NDUFA5: variants seen among roughly 807,000 people sequenced by gnomAD.
The protein encoded by NDUFA5 is NADH dehydrogenase [ubiquinone] 1 alpha subcomplex subunit 5.
Under a neutral mutation model 19.8 loss-of-function variants are expected in NDUFA5, and 11 were observed. That is an observed-to-expected ratio of 0.56 (90% confidence interval 0.35 to 0.92). NDUFA5 has a LOEUF of 0.92. Among genes scored for constraint, NDUFA5 ranks in the 40% least tolerant of loss-of-function variants. NDUFA5 has a pLI of 0.01. For missense variants in NDUFA5, 109 were observed against 134.2 expected (o/e 0.81, Z 0.93); for synonymous variants, 47 against 46.8 (o/e 1.00, Z -0.01).
intron 2 of NDUFA5, among the ~76,000 whole-genome samples, chr7:123,551,920 T>A (rs12666974): frequency 0.23 from 35,549 of 152,052 alleles, 4,801 homozygotes; most frequent in East Asian, 0.33. Flanking sequence ...AATGTATCAG[T>A]GTCTAGAGAA....
intron 4 of NDUFA5, 23 bp from the exon 5 acceptor site, chr7:123,542,243 A>T: frequency 6.4e-7 from 1 of 1,564,708 alleles, no homozygotes; most frequent in Non-Finnish European, 8.7e-7. Flanking sequence ...ATTTTTTAAA[A>T]GATCATTGGA....
chr7:123,553,401 C>T (rs1449313027), intron 2 of NDUFA5, among the ~76,000 whole-genome samples: 1 of 152,154 alleles, frequency 6.6e-6, no homozygotes, highest in Non-Finnish European at 1.5e-5. Flanking sequence ...TCTTCACTAT[C>T]ACAAGAACAG....
the NDUFA5 span, among the ~76,000 whole-genome samples, chr7:123,579,955 C>T: frequency 1.3e-5 from 2 of 151,982 alleles, no homozygotes; most frequent in African/African-American, 4.8e-5. Flanking sequence ...TGTTACACCT[C>T]CTGTCCTTAA....
the NDUFA5 span, among the ~76,000 whole-genome samples, chr7:123,575,728 G>A: frequency 1.3e-5 from 2 of 150,750 alleles, no homozygotes; most frequent in Non-Finnish European, 3.0e-5. Context: ...TAATTATCTT[G>A]TAAGTGATGC....
chr7:123,566,712 T>A, the NDUFA5 span, among the ~76,000 whole-genome samples: 12 of 152,218 alleles, frequency 7.9e-5, no homozygotes, highest in African/African-American at 2.9e-4. Flanking sequence ...ATAAAGAAAC[T>A]ATTACATTGG....
chr7:123,564,794 G>A, the NDUFA5 span, among the ~76,000 whole-genome samples: 3 of 151,728 alleles, frequency 2.0e-5, no homozygotes, highest in Non-Finnish European at 4.4e-5. Flanking sequence ...CTTTATGATA[G>A]TTCATTGGAG....
At chr7:123,584,689 CTG>C in the NDUFA5 span, among the ~76,000 whole-genome samples, 1 of 151,898 alleles carries the variant, frequency 6.6e-6, no homozygotes, top group African/African-American at 2.4e-5. Flanking sequence ...TATACAAAGA[CTG>C]TTAGCTTTCA....
At chr7:123,553,397 C>G (rs1423096298) in intron 2 of NDUFA5, among the ~76,000 whole-genome samples, 1 of 152,174 alleles carries the variant, frequency 6.6e-6, no homozygotes, top group Non-Finnish European at 1.5e-5. Context: ...GACTTCTTCA[C>G]TATCACAAGA....
At chr7:123,565,690 G>T in the NDUFA5 span, among the ~76,000 whole-genome samples, 1 of 151,928 alleles carries the variant, frequency 6.6e-6, no homozygotes, top group African/African-American at 2.4e-5. Flanking sequence ...AGACCAGCCC[G>T]GCCAACATGG....
intron 2 of NDUFA5, chr7:123,555,937 T>C (rs1397849972): frequency 2.0e-5 from 3 of 152,070 alleles, no homozygotes; most frequent in East Asian, 3.9e-4. Context: ...AAAGACCAAA[T>C]GGAGGCTGTG....
At position 123,541,692 on chromosome 7, in the gene NDUFA5, G is replaced by T. The variant is rs1163922347; in HGVS notation, c.*427C>A. The T allele has an allele frequency of 6.6e-6, 1 of 152,232 alleles. No homozygotes were observed. The highest frequency in any genetic ancestry group is 2.4e-5 in the African/African-American group (1 of 41,368). 9.4% of individuals were successfully genotyped at this position (152,232 alleles called of 1,614,324 possible). A position where few individuals can be genotyped will look rare whatever the true frequency, so the allele number is the denominator to read the frequency against. ...TTATCACATTTGAAAATATTCACTC[G>T]TATTATTTACTTCAAACAGTAATCT... is the stretch of plus-strand genomic sequence containing the variant. On this transcript the variant is annotated 3_prime_UTR_variant, in exon 5 of 5. Coordinates refer to ENST00000355749, the MANE Select transcript of NDUFA5 (RefSeq NM_005000.5).
At chr7:123,589,831 A>G in the NDUFA5 span, among the ~76,000 whole-genome samples, 2 of 152,200 alleles carry the variant, frequency 1.3e-5, no homozygotes, top group African/African-American at 4.8e-5. Flanking sequence ...TCGGGTATAT[A>G]CCCAGTAATG....
chr7:123,585,217 T>C, the NDUFA5 span, among the ~76,000 whole-genome samples: 1 of 151,722 alleles, frequency 6.6e-6, no homozygotes, highest in Non-Finnish European at 1.5e-5. Context: ...CCAATCCCCC[T>C]CTTAGAAATT....
the NDUFA5 span, among the ~76,000 whole-genome samples, chr7:123,567,818 GA>G: frequency 1.7e-3 from 243 of 144,004 alleles, 1 homozygote; most frequent in African/African-American, 5.4e-3. Context: ...ACCTTGGAAA[GA>G]AAAAAAAAAC....
rs1010383210 is a variant in NDUFA5, at chr7:123,540,660, T to G, written c.*1459A>C. On this transcript the variant is annotated 3_prime_UTR_variant, in exon 5 of 5. Transcript: ENST00000355749. Reference sequence around the variant, plus strand: ...ACAGGCCAAACTTGCCTCAATGTAGTCATTGAGTTAACAACACTAGAACCA... The same window carrying G: ...ACAGGCCAAACTTGCCTCAATGTAGGCATTGAGTTAACAACACTAGAACCA... 4.6e-5 allele frequency: 7 copies of G among 152,038 alleles called. No homozygotes were observed. Among genetic ancestry groups the G allele is most frequent in the African/African-American group, 1.2e-4 (5 of 41,374 alleles). The allele number at this position is 152,038 out of a possible 1,614,324, so 9.4% of individuals were successfully genotyped here.
At chr7:123,567,885 C>T in the NDUFA5 span, among the ~76,000 whole-genome samples, 3 of 152,176 alleles carry the variant, frequency 2.0e-5, no homozygotes, top group Middle Eastern at 3.4e-3. Flanking sequence ...ATTCCAATCA[C>T]TTGGATGTTA....
chr7:123,599,390 T>C, the NDUFA5 span, among the ~76,000 whole-genome samples: 140 of 152,284 alleles, frequency 9.2e-4, no homozygotes, highest in African/African-American at 3.1e-3. Context: ...TCATAAAGAA[T>C]GGGCTGGATC....
the NDUFA5 span, among the ~76,000 whole-genome samples, chr7:123,570,886 C>T: frequency 6.6e-6 from 1 of 152,156 alleles, no homozygotes; most frequent in Non-Finnish European, 1.5e-5. Flanking sequence ...CTGAAAAGAA[C>T]TCTCAGCAGG....
the NDUFA5 span, among the ~76,000 whole-genome samples, chr7:123,585,417 C>T: frequency 1.6e-4 from 24 of 151,888 alleles, no homozygotes; most frequent in Non-Finnish European, 2.2e-4. Context: ...TGTAGGAATG[C>T]ATATGCAATA....
Sources: gnomAD v4.1 joint callset for allele counts (sites outside exome capture counted in the v4.1 genomes callset) on GRCh38, gnomAD v4.1.1 for gene constraint, MANE v1.5 for transcripts, NCBI Gene and HGNC (gene_info 2026-07-23, HGNC 2026-07-21) for gene names.